The following FOXP2 variants were observed in gnomAD, a reference collection of about 807,000 sequenced individuals.
FOXP2 encodes forkhead box protein P2.
In FOXP2, 12 loss-of-function variants were observed where a neutral mutation model predicts 115.8. The ratio of observed to expected loss-of-function variants is 0.10; its 90% CI spans 0.07 to 0.17. The LOEUF is 0.17. Among genes scored for constraint, FOXP2 ranks in the 10% least tolerant of loss-of-function variants. The pLI is 1.00. For synonymous variants in FOXP2, 328 were observed against 297.7 expected (o/e 1.10, Z -1.05); for missense variants, 629 against 843.5 (o/e 0.75, Z 3.15).
chr7:114,334,453 G>A (rs1210236926), intron 2 of FOXP2, among the ~76,000 whole-genome samples: 1 of 151,810 alleles, frequency 6.6e-6, no homozygotes, highest in Non-Finnish European at 1.5e-5. Context: ...CATTTATAGT[G>A]TAAGTTTTCA....
At chr7:114,279,732 T>C (rs2129174592) in intron 1 of FOXP2, among the ~76,000 whole-genome samples, 1 of 151,932 alleles carries the variant, frequency 6.6e-6, no homozygotes, top group South Asian at 2.1e-4. Context: ...TTGATGATCA[T>C]AAATGCTTAT....
rs191432153 is a variant in FOXP2, at chr7:114,389,979, G to A, written c.-10-36523G>A. 5.5e-4 allele frequency among the ~76,000 whole-genome samples: 80 copies of A among 144,542 alleles called. 1 individual carries two copies. The highest frequency in any genetic ancestry group is 1.5e-3 in the African/African-American group (57 of 38,854). 94.8% of individuals were successfully genotyped at this position (144,542 alleles called of 152,430 possible). ...GCGGAGGTTGCTGATAGCTGAGATC[G>A]GACCACTGCTCTCCAGCCTGGGCAA... On this transcript the variant is annotated intron_variant, in intron 2 of 17. Coordinates refer to the FOXP2 transcript ENST00000634411.
chr7:114,529,621 T>C lies in FOXP2; in HGVS notation c.169-4996T>C, dbSNP rs192346574. 5.3e-4 allele frequency among the ~76,000 whole-genome samples: 81 copies of C among 151,962 alleles called. 2 individuals carry two copies. The highest frequency in any genetic ancestry group is 4.7e-3 in the Admixed American group (72 of 15,238). ...CTTTATGTAACATATACTGTAAAAA[T>C]ATCATTTTAAAAATATTCTTTAATA... On this transcript the variant is annotated intron_variant, in intron 2 of 16. Coordinates refer to ENST00000350908, the MANE Select transcript of FOXP2 (RefSeq NM_014491.4).
intron 1 of FOXP2, among the ~76,000 whole-genome samples, chr7:114,172,728 A>T (rs1019254462): frequency 6.6e-6 from 1 of 152,186 alleles, no homozygotes; most frequent in Non-Finnish European, 1.5e-5. Context: ...TTTATTTCAG[A>T]TACTTCTTTG....
chr7:114,500,187 G>A (rs1234780559), intron 2 of FOXP2, among the ~76,000 whole-genome samples: 1 of 143,312 alleles, frequency 7.0e-6, no homozygotes, highest in East Asian at 2.1e-4. Flanking sequence ...CTGCCCTCCA[G>A]TCTGGGCGAC....
chr7:114,513,313 T>G (rs1798166728), intron 2 of FOXP2, among the ~76,000 whole-genome samples: 2 of 152,320 alleles, frequency 1.3e-5, no homozygotes, highest in South Asian at 4.1e-4. Context: ...ATGCTTTGTG[T>G]AATGCATTGG....
chr7:114,351,259 A>T (rs901456801), intron 2 of FOXP2, among the ~76,000 whole-genome samples: 2 of 152,198 alleles, frequency 1.3e-5, no homozygotes, highest in Non-Finnish European at 2.9e-5. Flanking sequence ...TAGAATAAAG[A>T]ACAATTTATA....
At chr7:114,433,849 A>G (rs1256617535) in intron 2 of FOXP2, among the ~76,000 whole-genome samples, 1 of 152,014 alleles carries the variant, frequency 6.6e-6, no homozygotes, top group Non-Finnish European at 1.5e-5. Flanking sequence ...GCTTACATGA[A>G]TATTAGTCAT....
chr7:114,551,085 A>T (rs1800183294), intron 3 of FOXP2, among the ~76,000 whole-genome samples: 1 of 152,226 alleles, frequency 6.6e-6, no homozygotes, highest in South Asian at 2.1e-4. Flanking sequence ...GCTAATCCAC[A>T]GAATTTCATG....
intron 2 of FOXP2, among the ~76,000 whole-genome samples, chr7:114,384,591 G>A (rs1475851075): frequency 1.3e-5 from 2 of 152,082 alleles, no homozygotes; most frequent in African/African-American, 2.4e-5. Context: ...CCTAGGTCTG[G>A]TCGGACCTTT....
intron 3 of FOXP2, among the ~76,000 whole-genome samples, chr7:114,615,794 T>A (rs1204150102): frequency 6.6e-6 from 1 of 152,166 alleles, no homozygotes; most frequent in Admixed American, 6.5e-5. Context: ...TAATTCCCCT[T>A]TTACCAGGCC....
chr7:114,405,682 T>C (rs961875118), intron 2 of FOXP2, among the ~76,000 whole-genome samples: 2 of 151,838 alleles, frequency 1.3e-5, no homozygotes, highest in African/African-American at 4.8e-5. Flanking sequence ...AAAATGGGTG[T>C]AGTGTTAAGT....
At position 114,304,816 on chromosome 7, in the gene FOXP2, C is replaced by T. The variant is rs532388791; in HGVS notation, c.-11+16707C>T. Among the ~76,000 whole-genome samples, 4 of 151,950 alleles carry T rather than the reference C, an allele frequency of 2.6e-5. No individual in the cohort carries two copies. The East Asian group carries it at 7.7e-4, about 29-fold the overall frequency. On this transcript the variant is annotated intron_variant, in intron 2 of 17. Coordinates refer to the FOXP2 transcript ENST00000634411. ...TAGTTAACTATTTCCCACATGTTCT[C>T]CTTTGCACATCCACAAAAATGGTTT...
Position 114,567,845 on chromosome 7 carries a change from T to A in FOXP2, c.258+33139T>A, listed in dbSNP as rs1453056927. Among the ~76,000 whole-genome samples the A allele has an allele frequency of 3.9e-5, 6 of 152,182 alleles. No homozygotes were observed. In the East Asian group the frequency reaches 1.2e-3, roughly 29 times the overall value. ...GTCATAGAAAGCTTTAGGGAAGCCA[T>A]GAGAAGAAACTGGGTGGGGTTTTCA... On this transcript the variant is annotated intron_variant, in intron 3 of 16. Transcript: ENST00000350908.
In FOXP2 at chr7:114,289,658, G is replaced by A. The variant is rs139526097; in HGVS notation, c.-11+1549G>A. On this transcript the variant is annotated intron_variant, in intron 2 of 17. Coordinates refer to the FOXP2 transcript ENST00000634411. ...TGAAAGAAACTATTTTTTAAAAGTA[G>A]AGAATTCCTAGAAGAGAATATAATT... is the stretch of plus-strand genomic sequence containing the variant. Among the ~76,000 whole-genome samples the A allele has an allele frequency of 2.6e-3, 399 of 151,978 alleles. 2 individuals are homozygous for A. Among genetic ancestry groups the A allele is most frequent in the African/African-American group, 9.2e-3 (384 of 41,526 alleles).
chr7:114,358,357 A>G (rs1584663716), intron 2 of FOXP2, among the ~76,000 whole-genome samples: 1 of 152,192 alleles, frequency 6.6e-6, no homozygotes, highest in South Asian at 2.1e-4. Context: ...TATGAAAATG[A>G]ACTAATACAG....
At chr7:114,300,056 A>G (rs942510016) in intron 2 of FOXP2, among the ~76,000 whole-genome samples, 5 of 151,892 alleles carry the variant, frequency 3.3e-5, no homozygotes, top group African/African-American at 1.2e-4. Flanking sequence ...ACGTACACAC[A>G]CTCACACACA....
intron 2 of FOXP2, among the ~76,000 whole-genome samples, chr7:114,376,072 T>C (rs1015328847): frequency 1.3e-5 from 2 of 152,178 alleles, no homozygotes; most frequent in Non-Finnish European, 2.9e-5. Flanking sequence ...TCTAGGGTGT[T>C]GCCCTTCTCT....
At chr7:114,270,506 T>G (rs1377036995) in intron 1 of FOXP2, among the ~76,000 whole-genome samples, 1 of 152,190 alleles carries the variant, frequency 6.6e-6, no homozygotes, top group Non-Finnish European at 1.5e-5. Context: ...TATTGGATTT[T>G]GGGTATTCTA....
Sources: gnomAD v4.1 joint callset for allele counts (sites outside exome capture counted in the v4.1 genomes callset) on GRCh38, gnomAD v4.1.1 for gene constraint, MANE v1.5 for transcripts, NCBI Gene and HGNC (gene_info 2026-07-23, HGNC 2026-07-21) for gene names.